The following CSMD3 variants were observed in gnomAD, a reference collection of about 807,000 sequenced individuals.
The protein encoded by CSMD3 is CUB and Sushi multiple domains 3, also known as CUB and sushi domain-containing protein 3.
In CSMD3, 177 loss-of-function variants were observed where a neutral mutation model predicts 435.2. That is an observed-to-expected ratio of 0.41 (90% CI 0.36 to 0.46). CSMD3 has a LOEUF of 0.46. Ranked by LOEUF, CSMD3 falls within the 20% of genes least tolerant of loss-of-function variation. CSMD3 has a pLI of 0.34. For synonymous variants in CSMD3, 1,656 were observed against 1,520.5 expected (o/e 1.09, Z -2.07); for missense variants, 4,265 against 4,504.6 (o/e 0.95, Z 1.52).
chr8:113,111,834 C>T (rs2090650556), intron 4 of CSMD3, among the ~76,000 whole-genome samples: 1 of 152,060 alleles, frequency 6.6e-6, no homozygotes, highest in African/African-American at 2.4e-5. Context: ...GCGCCTGCCA[C>T]CATGCCTGGC....
At chr8:113,381,927 G>T (rs1262430869) in intron 1 of CSMD3, among the ~76,000 whole-genome samples, 1 of 151,982 alleles carries the variant, frequency 6.6e-6, no homozygotes, top group Non-Finnish European at 1.5e-5. Flanking sequence ...CATGTATTCA[G>T]ATTTATATTT....
At chr8:112,852,690 A>G (rs1182245415) in intron 11 of CSMD3, among the ~76,000 whole-genome samples, 1 of 152,062 alleles carries the variant, frequency 6.6e-6, no homozygotes, top group East Asian at 1.9e-4. Context: ...TGGGAGGCCG[A>G]GGTGGGTGGA....
intron 32 of CSMD3, among the ~76,000 whole-genome samples, chr8:112,458,922 C>A (rs1817136469): frequency 6.6e-6 from 1 of 152,036 alleles, no homozygotes; most frequent in African/African-American, 2.4e-5. Context: ...TCATTAGAGA[C>A]CATGAATTAC....
At chr8:113,117,954 G>A (rs1345342657) in intron 4 of CSMD3, among the ~76,000 whole-genome samples, 1 of 152,126 alleles carries the variant, frequency 6.6e-6, no homozygotes, top group Non-Finnish European at 1.5e-5. Flanking sequence ...TTTTGGTTTT[G>A]CAGGCTCATA....
chr8:113,377,001 C>G, intron 1 of CSMD3: 1 of 1,230,370 alleles, frequency 8.1e-7, no homozygotes, highest in Non-Finnish European at 1.1e-6. Context: ...GGGCCCGCAG[C>G]CACATCTTCT....
At chr8:112,459,396 A>T (rs1817211916) in intron 32 of CSMD3, among the ~76,000 whole-genome samples, 1 of 150,736 alleles carries the variant, frequency 6.6e-6, no homozygotes. Context: ...TTACAAGGTA[A>T]TTCTCAAAAT....
At chr8:112,446,724 A>C (rs1421639229) in intron 32 of CSMD3, among the ~76,000 whole-genome samples, 2 of 152,218 alleles carry the variant, frequency 1.3e-5, no homozygotes. Flanking sequence ...AATTTGCATA[A>C]AATGACTTCA....
At chr8:113,112,807 T>A (rs1384812822) in intron 4 of CSMD3, among the ~76,000 whole-genome samples, 1 of 152,094 alleles carries the variant, frequency 6.6e-6, no homozygotes, top group Non-Finnish European at 1.5e-5. Context: ...TGTTTAGTTT[T>A]GTTTTGTTTC....
At chr8:112,381,942 C>T (rs1829495637) in intron 37 of CSMD3, among the ~76,000 whole-genome samples, 1 of 152,074 alleles carries the variant, frequency 6.6e-6, no homozygotes, top group South Asian at 2.1e-4. Context: ...TGTTATTTAT[C>T]ACTCATATTA....
At chr8:112,535,873 C>T (rs535550423) in intron 27 of CSMD3, among the ~76,000 whole-genome samples, 3 of 152,158 alleles carry the variant, frequency 2.0e-5, no homozygotes, top group African/African-American at 7.2e-5. Context: ...TGCCACATAC[C>T]TACAACTATC....
rs75509648 is a variant in CSMD3, at chr8:112,906,458, C to G, written c.1633+15169G>C. Among the ~76,000 whole-genome samples the G allele has an allele frequency of 2.9e-3, 433 of 151,434 alleles. 1 individual carries two copies. The highest frequency in any genetic ancestry group is 3.6e-3 in the Non-Finnish European group (242 of 67,640). ...CTTCTTCAAAAAAGCAAGCAAGCAA[C>G]CAACCAACCAAAAAAACGTCTCTAA... On this transcript the variant is annotated intron_variant, in intron 10 of 70. Coordinates refer to ENST00000297405, the MANE Select transcript of CSMD3 (RefSeq NM_198123.2).
At chr8:112,535,399 C>A (rs1825972009) in intron 27 of CSMD3, among the ~76,000 whole-genome samples, 1 of 151,842 alleles carries the variant, frequency 6.6e-6, no homozygotes, top group Non-Finnish European at 1.5e-5. Context: ...AGAGCCAAAT[C>A]ATGAGTGAAC....
intron 53 of CSMD3, among the ~76,000 whole-genome samples, chr8:112,301,468 G>A (rs962921972): frequency 2.0e-5 from 3 of 152,208 alleles, no homozygotes; most frequent in Non-Finnish European, 2.9e-5. Flanking sequence ...AATTGACTAT[G>A]GTTTAGAATG....
At chr8:112,228,633 T>G in intron 70 of CSMD3, 123 bp downstream of exon 70, 1 of 973,456 alleles carries the variant, frequency 1.0e-6, no homozygotes, top group Non-Finnish European at 1.6e-6. Flanking sequence ...TGACAATAGT[T>G]AGCACACAGA....
intron 3 of CSMD3, among the ~76,000 whole-genome samples, chr8:113,264,678 A>G (rs1402197623): frequency 2.0e-5 from 3 of 151,640 alleles, no homozygotes; most frequent in African/African-American, 7.2e-5. Context: ...ACAAAGAAAT[A>G]TTCATTAAAA....
chr8:113,378,476 G>T (rs549824916), intron 1 of CSMD3, among the ~76,000 whole-genome samples: 1 of 152,104 alleles, frequency 6.6e-6, no homozygotes, highest in Admixed American at 6.6e-5. Context: ...GAAAAGAATA[G>T]TATTTAATCC....
At chr8:113,069,560 G>C (rs903275060) in intron 5 of CSMD3, among the ~76,000 whole-genome samples, 1 of 152,088 alleles carries the variant, frequency 6.6e-6, no homozygotes, top group Non-Finnish European at 1.5e-5. Context: ...TGGCCCTAAT[G>C]AATAGATATT....
chr8:112,914,835 C>A (rs2082528897), intron 10 of CSMD3, among the ~76,000 whole-genome samples: 1 of 151,792 alleles, frequency 6.6e-6, no homozygotes, highest in South Asian at 2.1e-4. Context: ...TATCTATAAA[C>A]CCTCCTTCCC....
At chr8:113,333,984 G>C (rs1440719094) in intron 1 of CSMD3, among the ~76,000 whole-genome samples, 1 of 151,780 alleles carries the variant, frequency 6.6e-6, no homozygotes, top group Non-Finnish European at 1.5e-5. Flanking sequence ...AGAAGTCCTA[G>C]ACATGACTTG....
Sources: allele counts gnomAD v4.1 joint callset (sites outside exome capture counted in the v4.1 genomes callset), GRCh38; gene constraint gnomAD v4.1.1; transcripts MANE v1.5; gene names NCBI Gene and HGNC (gene_info 2026-07-23, HGNC 2026-07-21).